Variants in DOCK4 observed in about 807,000 individuals in gnomAD.
DOCK4 encodes the protein dedicator of cytokinesis protein 4.
A neutral mutation model predicts 268.1 loss-of-function variants in DOCK4; 97 were observed. That is an observed-to-expected ratio of 0.36 (90% confidence interval 0.31 to 0.43). The LOEUF (loss-of-function observed/expected upper bound fraction) is 0.43. Ranked by LOEUF, DOCK4 falls within the 20% of genes least tolerant of loss-of-function variation. DOCK4 has a pLI of 1.00. For synonymous variants in DOCK4, 954 were observed against 887.2 expected (o/e 1.08, Z -1.34); for missense variants, 2,145 against 2,455.7 (o/e 0.87, Z 2.67).
chr7:112,180,322 GA>G (rs1456109919), intron 1 of DOCK4, among the ~76,000 whole-genome samples: 1 of 152,102 alleles, frequency 6.6e-6, no homozygotes, highest in Admixed American at 6.6e-5. Flanking sequence ...AAAGACTTCA[GA>G]AAAACAGAAG....
chr7:112,057,666 T>C (rs1461798006), intron 1 of DOCK4, among the ~76,000 whole-genome samples: 1 of 152,000 alleles, frequency 6.6e-6, no homozygotes, highest in East Asian at 1.9e-4. Context: ...TCCTAGTTAC[T>C]CAGGAAGCTG....
intron 1 of DOCK4, among the ~76,000 whole-genome samples, chr7:112,194,291 C>A (rs1820228325): frequency 6.6e-6 from 1 of 152,160 alleles, no homozygotes; most frequent in African/African-American, 2.4e-5. Context: ...AGCAGTGACA[C>A]CAACATCAGT....
intron 1 of DOCK4, among the ~76,000 whole-genome samples, chr7:112,134,360 T>C (rs1028744697): frequency 6.6e-6 from 1 of 152,184 alleles, no homozygotes; most frequent in African/African-American, 2.4e-5. Context: ...ATATGGCAGG[T>C]TGACCCAATA....
At chr7:111,794,818 T>G (rs1478695023) in intron 30 of DOCK4, among the ~76,000 whole-genome samples, 2 of 152,148 alleles carry the variant, frequency 1.3e-5, no homozygotes, top group Non-Finnish European at 2.9e-5. Flanking sequence ...GAATTCTTAA[T>G]CACTCTCCTA....
Position 112,206,315 on chromosome 7 carries a change from C to G in DOCK4, c.-177G>C, listed in dbSNP as rs1821404653. 2 of 643,464 alleles carry G rather than the reference C, an allele frequency of 3.1e-6. No homozygotes were observed. Among genetic ancestry groups the G allele is most frequent in the Non-Finnish European group, 5.3e-6 (2 of 379,398 alleles). 39.9% of individuals were successfully genotyped at this position (643,464 alleles called of 1,614,324 possible). On this transcript the variant is annotated 5_prime_UTR_variant, in exon 1 of 53. Transcript: ENST00000428084. Reference sequence around the variant, plus strand: ...TCCCGAGCCCAGCGTTGACACTGCGCCGCCCGCAGCTCTCCCGGCGGCGGC... The same window carrying G: ...TCCCGAGCCCAGCGTTGACACTGCGGCGCCCGCAGCTCTCCCGGCGGCGGC...
intron 5 of DOCK4, 94 bp from the exon 6 acceptor site, chr7:111,989,257 A>G (rs1799309212): frequency 6.6e-7 from 1 of 1,525,052 alleles, no homozygotes; most frequent in African/African-American, 1.4e-5. Context: ...CATTCTGGTT[A>G]CCCACTATGT....
At chr7:111,733,928 C>G (rs1795288431) in intron 51 of DOCK4, among the ~76,000 whole-genome samples, 1 of 152,142 alleles carries the variant, frequency 6.6e-6, no homozygotes, top group African/African-American at 2.4e-5. Flanking sequence ...ATAGAGTAAA[C>G]TAGGTGGCAC....
intron 1 of DOCK4, among the ~76,000 whole-genome samples, chr7:112,103,447 G>A (rs571977498): frequency 6.6e-6 from 1 of 152,252 alleles, no homozygotes; most frequent in African/African-American, 2.4e-5. Context: ...CCCACAAAGT[G>A]TGATCTCCTG....
intron 8 of DOCK4, among the ~76,000 whole-genome samples, chr7:111,959,551 G>T (rs1796702568): frequency 6.6e-6 from 1 of 152,150 alleles, no homozygotes; most frequent in Admixed American, 6.5e-5. Context: ...AGCCATATCT[G>T]CTCTCTTAAC....
At chr7:112,198,849 G>T (rs12154685) in intron 1 of DOCK4, among the ~76,000 whole-genome samples, 91,448 of 151,946 alleles carry the variant, frequency 0.6, 30,015 homozygotes, top group Non-Finnish European at 0.73. Context: ...ATATATTTTT[G>T]AAATAGTGTT....
At chr7:112,040,311 A>G (rs540295829) in intron 1 of DOCK4, among the ~76,000 whole-genome samples, 2 of 152,224 alleles carry the variant, frequency 1.3e-5, no homozygotes, top group Non-Finnish European at 2.9e-5. Context: ...TAGACACTGT[A>G]CTTTGGTTTC....
At chr7:112,196,039 T>C (rs566394785) in intron 1 of DOCK4, among the ~76,000 whole-genome samples, 1 of 152,308 alleles carries the variant, frequency 6.6e-6, no homozygotes, top group South Asian at 2.1e-4. Context: ...GAAACAGCCA[T>C]GTTTTCGTTC....
chr7:112,182,913 T>C (rs748724184), intron 1 of DOCK4, among the ~76,000 whole-genome samples: 3 of 152,216 alleles, frequency 2.0e-5, no homozygotes, highest in Non-Finnish European at 2.9e-5. Flanking sequence ...CAAAAGGAAC[T>C]GCCTGGGCCC....
At chr7:112,042,833 T>C (rs1056831203) in intron 1 of DOCK4, among the ~76,000 whole-genome samples, 2 of 152,308 alleles carry the variant, frequency 1.3e-5, no homozygotes, top group Admixed American at 6.5e-5. Flanking sequence ...AATTTGATCA[T>C]GAAGAGTTAT....
chr7:111,824,293 C>T (rs184005744), intron 26 of DOCK4, among the ~76,000 whole-genome samples: 115 of 152,162 alleles, frequency 7.6e-4, no homozygotes, highest in Non-Finnish European at 5.1e-4. Context: ...GTTACTCAGA[C>T]ATATATATGT....
intron 1 of DOCK4, among the ~76,000 whole-genome samples, chr7:112,124,003 T>G (rs1324028902): frequency 6.6e-6 from 1 of 152,158 alleles, no homozygotes; most frequent in Non-Finnish European, 1.5e-5. Context: ...GGTATTAGTT[T>G]TGCTGATCAT....
In DOCK4 at chr7:112,073,113, C is replaced by T. The variant is rs141866034; in HGVS notation, c.38-68982G>A. Among the ~76,000 whole-genome samples the T allele has an allele frequency of 1.6e-3, 241 of 152,186 alleles. 4 individuals carry two copies. The highest frequency in any genetic ancestry group is 6.8e-3 in the Middle Eastern group (2 of 294). Reference sequence around the variant, plus strand: ...TTGGCCCTCTTCCAAGAATTATTTACTTCCTTCCATTCCTACTCAAAAGCT... The same window carrying T: ...TTGGCCCTCTTCCAAGAATTATTTATTTCCTTCCATTCCTACTCAAAAGCT... On this transcript the variant is annotated intron_variant, in intron 1 of 52. Transcript: ENST00000428084.
chr7:112,036,735 A>G (rs1244898213), intron 1 of DOCK4, among the ~76,000 whole-genome samples: 1 of 138,596 alleles, frequency 7.2e-6, no homozygotes, highest in East Asian at 2.1e-4. Flanking sequence ...ATCTCTACCC[A>G]CTGCAACCTC....
At chr7:112,122,476 G>A (rs1563106094) in intron 1 of DOCK4, among the ~76,000 whole-genome samples, 1 of 151,618 alleles carries the variant, frequency 6.6e-6, no homozygotes, top group Non-Finnish European at 1.5e-5. Context: ...TTCTTGTGTT[G>A]CCCAGGATGG....
Sources: gnomAD v4.1 joint callset for allele counts (sites outside exome capture counted in the v4.1 genomes callset) on GRCh38, gnomAD v4.1.1 for gene constraint, MANE v1.5 for transcripts, NCBI Gene and HGNC (gene_info 2026-07-23, HGNC 2026-07-21) for gene names.